The following PAPPA variants were observed in gnomAD, a reference collection of about 807,000 sequenced individuals.
The protein encoded by PAPPA is pappalysin 1, also known as pappalysin-1.
PAPPA carries 60 observed loss-of-function variants against 164.0 expected under a neutral mutation model. The observed-to-expected ratio is 0.37, with a 90% CI of 0.30 to 0.45. The LOEUF is 0.45. Ranked by LOEUF, PAPPA falls within the 20% of genes least tolerant of loss-of-function variation. The probability of loss-of-function intolerance (pLI) is 1.00; values close to 1 mark genes in which losing one functional copy is unlikely to be tolerated. For synonymous variants in PAPPA, 875 were observed against 814.1 expected (o/e 1.07, Z -1.27); for missense variants, 1,782 against 2,087.3 (o/e 0.85, Z 2.85).
chr9:116,202,348 T>C (rs1192143107), intron 2 of PAPPA, among the ~76,000 whole-genome samples: 1 of 152,202 alleles, frequency 6.6e-6, no homozygotes, highest in Non-Finnish European at 1.5e-5. Context: ...AAATATTTTG[T>C]TGGCACTTAC....
intron 13 of PAPPA, among the ~76,000 whole-genome samples, 193 bp downstream of exon 13, chr9:116,335,267 A>T (rs975086940): frequency 1.3e-5 from 2 of 152,088 alleles, no homozygotes; most frequent in African/African-American, 4.8e-5. Flanking sequence ...AATTAAGGGA[A>T]ACGGTTGTGT....
At chr9:116,377,752 G>A (rs965077195) in intron 20 of PAPPA, 105 bp downstream of exon 20, 6 of 813,862 alleles carry the variant, frequency 7.4e-6, no homozygotes, top group African/African-American at 3.4e-5. Context: ...CCTACTGAGT[G>A]TTGAAAATAT....
At chr9:116,320,815 G>A (rs1293595073) in intron 10 of PAPPA, among the ~76,000 whole-genome samples, 1 of 152,088 alleles carries the variant, frequency 6.6e-6, no homozygotes, top group Non-Finnish European at 1.5e-5. Flanking sequence ...TTCCCTTAAA[G>A]TTTTCTGTGT....
intron 2 of PAPPA, among the ~76,000 whole-genome samples, chr9:116,195,886 A>T (rs914905933): frequency 6.9e-6 from 1 of 145,270 alleles, no homozygotes; most frequent in East Asian, 2.2e-4. Context: ...TTTCATTTTT[A>T]AAATATTTTT....
chr9:116,355,941 C>G (rs1846348502), intron 17 of PAPPA, among the ~76,000 whole-genome samples: 1 of 152,152 alleles, frequency 6.6e-6, no homozygotes, highest in Non-Finnish European at 1.5e-5. Context: ...GGCCTGAGAG[C>G]CAAATCTAGT....
At chr9:116,196,923 C>A (rs934776952) in intron 2 of PAPPA, among the ~76,000 whole-genome samples, 1 of 152,164 alleles carries the variant, frequency 6.6e-6, no homozygotes, top group Admixed American at 6.5e-5. Flanking sequence ...AACTACTGAA[C>A]TATTTTTATG....
intron 7 of PAPPA, among the ~76,000 whole-genome samples, chr9:116,263,601 T>A (rs930975883): frequency 1.3e-5 from 2 of 152,216 alleles, no homozygotes; most frequent in African/African-American, 4.8e-5. Flanking sequence ...CCATATGTGC[T>A]TTATAATTGT....
At chr9:116,266,474 A>G (rs573381332) in intron 8 of PAPPA, among the ~76,000 whole-genome samples, 154 of 152,364 alleles carry the variant, frequency 1.0e-3, no homozygotes, top group African/African-American at 3.5e-3. Context: ...AAAGGCTTAT[A>G]AAAACAGTGG....
intron 1 of PAPPA, among the ~76,000 whole-genome samples, chr9:116,167,537 G>T (rs1843731282): frequency 6.6e-6 from 1 of 152,306 alleles, no homozygotes; most frequent in African/African-American, 2.4e-5. Context: ...GAGAATCAGT[G>T]CCTGGGACAT....
intron 11 of PAPPA, among the ~76,000 whole-genome samples, chr9:116,331,615 ATC>A (rs889059916): frequency 2.0e-5 from 3 of 152,170 alleles, no homozygotes; most frequent in African/African-American, 4.8e-5. Flanking sequence ...ATTGTTCAAG[ATC>A]TTTTAAAATT....
intron 9 of PAPPA, among the ~76,000 whole-genome samples, chr9:116,289,078 C>T (rs1433518353): frequency 6.8e-6 from 1 of 146,614 alleles, no homozygotes; most frequent in Non-Finnish European, 1.5e-5. Context: ...ATCAGAATGA[C>T]GGGCTGCTTG....
chr9:116,252,452 A>T (rs1490653340), intron 7 of PAPPA, among the ~76,000 whole-genome samples: 1 of 152,212 alleles, frequency 6.6e-6, no homozygotes, highest in Non-Finnish European at 1.5e-5. Flanking sequence ...CTTGGCACTG[A>T]GTCCTCAGCA....
chr9:116,179,647 C>A (rs745479743), intron 1 of PAPPA, among the ~76,000 whole-genome samples: 2 of 152,192 alleles, frequency 1.3e-5, no homozygotes, highest in Admixed American at 6.5e-5. Context: ...GATATCCCAG[C>A]CTTCCTCTGA....
intron 12 of PAPPA, among the ~76,000 whole-genome samples, chr9:116,334,083 C>T (rs1370258562): frequency 6.6e-6 from 1 of 151,976 alleles, no homozygotes. Context: ...AGGGGCTACA[C>T]CAGCATTTAA....
At chr9:116,307,231 TTAG>T (rs1224146772) in intron 10 of PAPPA, among the ~76,000 whole-genome samples, 7 of 152,206 alleles carry the variant, frequency 4.6e-5, no homozygotes, top group Non-Finnish European at 8.8e-5. Context: ...ATTGGGTATA[TTAG>T]TCCTTGGCCA....
At chr9:116,339,130 G>T (rs1439299597) in intron 13 of PAPPA, among the ~76,000 whole-genome samples, 1 of 152,188 alleles carries the variant, frequency 6.6e-6, no homozygotes, top group Non-Finnish European at 1.5e-5. Context: ...GTGTTCCATA[G>T]ACCATATTAG....
In PAPPA at chr9:116,187,067, A is replaced by G; in HGVS notation, c.416-87A>G. Reference sequence around the variant, plus strand: ...AAAGCGATGAGTCTAGGATAACCTGATACAAATTTTATTAGAGAAAAATAA... The same window carrying G: ...AAAGCGATGAGTCTAGGATAACCTGGTACAAATTTTATTAGAGAAAAATAA... On this transcript the variant is annotated intron_variant, in intron 1 of 21. Coordinates refer to ENST00000328252, the MANE Select transcript of PAPPA (RefSeq NM_002581.5). The surrounding 1 kb of genome is among the most constrained non-coding windows in gnomAD (Gnocchi z 4.2). 2.1e-6 allele frequency: 2 copies of G among 965,690 alleles called. No individual in the cohort carries two copies. Among genetic ancestry groups the G allele is most frequent in the Non-Finnish European group, 3.1e-6 (2 of 636,638 alleles). The allele number at this position is 965,690 out of a possible 1,614,324, so 59.8% of individuals were successfully genotyped here.
intron 5 of PAPPA, among the ~76,000 whole-genome samples, chr9:116,225,873 C>A (rs1268621591): frequency 6.6e-6 from 1 of 152,106 alleles, no homozygotes; most frequent in East Asian, 1.9e-4. Flanking sequence ...ATACACCCAT[C>A]CATTCAACTG....
At chr9:116,295,348 G>A (rs1845491591) in intron 9 of PAPPA, among the ~76,000 whole-genome samples, 1 of 152,066 alleles carries the variant, frequency 6.6e-6, no homozygotes, top group African/African-American at 2.4e-5. Flanking sequence ...GAGGTTAAGA[G>A]TTCGAGACCA....
Sources: allele counts gnomAD v4.1 joint callset (sites outside exome capture counted in the v4.1 genomes callset), GRCh38; gene constraint gnomAD v4.1.1; non-coding constraint Gnocchi (gnomAD v3.1); transcripts MANE v1.5; gene names NCBI Gene and HGNC (gene_info 2026-07-23, HGNC 2026-07-21).